ANO10: variants seen among roughly 807,000 people sequenced by gnomAD.
The protein encoded by ANO10 is anoctamin-10.
Under a neutral mutation model 74.7 loss-of-function variants are expected in ANO10, and 77 were observed. The observed-to-expected ratio is 1.03, with a 90% confidence interval of 0.86 to 1.25. ANO10 has a LOEUF of 1.25. Among genes scored for constraint, ANO10 ranks in the 50% most tolerant of loss-of-function variants. The pLI, the probability that ANO10 is intolerant of heterozygous loss-of-function variation, is 0.00. For missense variants in ANO10, 721 were observed against 778.1 expected, an observed-to-expected ratio of 0.93 and a Z score of 0.87; for synonymous variants, 279 against 284.9, an observed-to-expected ratio of 0.98 and a Z score of 0.21.
chr3:43,388,236 C>T (rs1028179015), intron 12 of ANO10, among the ~76,000 whole-genome samples: 12 of 152,240 alleles, frequency 7.9e-5, no homozygotes, highest in Middle Eastern at 3.4e-3. Flanking sequence ...GCAAGTGCTT[C>T]AGGAGAGAGC....
At chr3:43,680,329 G>C (rs1414525239) in intron 1 of ANO10, among the ~76,000 whole-genome samples, 1 of 152,162 alleles carries the variant, frequency 6.6e-6, no homozygotes, top group East Asian at 1.9e-4. Context: ...TGGAAGAAAG[G>C]GTATCAGTGA....
At chr3:43,662,075 C>T (rs1404511367) in intron 1 of ANO10, among the ~76,000 whole-genome samples, 1 of 152,204 alleles carries the variant, frequency 6.6e-6, no homozygotes, top group Non-Finnish European at 1.5e-5. Context: ...ATCTACAAAA[C>T]TCTCCATCCC....
intron 4 of ANO10, among the ~76,000 whole-genome samples, chr3:43,597,614 G>A (rs2082151912): frequency 6.6e-6 from 1 of 152,106 alleles, no homozygotes; most frequent in South Asian, 2.1e-4. Context: ...GCCTGTTGTA[G>A]GGTGGGGGCA....
chr3:43,560,183 G>A (rs1249024737), intron 9 of ANO10, among the ~76,000 whole-genome samples: 2 of 152,158 alleles, frequency 1.3e-5, no homozygotes, highest in Non-Finnish European at 1.5e-5. Context: ...GGTAACTACA[G>A]CTATGTCAAC....
intron 12 of ANO10, among the ~76,000 whole-genome samples, chr3:43,411,116 A>T (rs1051726412): frequency 6.6e-6 from 1 of 152,154 alleles, no homozygotes; most frequent in Non-Finnish European, 1.5e-5. Flanking sequence ...CTACAGCCTT[A>T]GGCATTATGT....
At chr3:43,576,568 G>A (rs1323228735) in intron 6 of ANO10, 124 bp downstream of exon 6, 1 of 973,910 alleles carries the variant, frequency 1.0e-6, no homozygotes, top group Non-Finnish European at 1.6e-6. Flanking sequence ...TTTTCCTTAT[G>A]TCTCTATAAT....
At position 43,644,044 on chromosome 3, in the gene ANO10, T is replaced by G. The variant is rs142595660; in HGVS notation, c.-11-38181A>C. ...TTTGACCTTGCTTCTTGTATTTTGT[T>G]TGTTTTAGGTAGTAAAGTTCACCAA... On this transcript the variant is annotated intron_variant, in intron 1 of 3. Transcript: ENST00000413397. Among the ~76,000 whole-genome samples the G allele has an allele frequency of 8.7e-4, 132 of 152,244 alleles. 1 individual carries two copies. The highest frequency in any genetic ancestry group is 3.0e-3 in the African/African-American group (124 of 41,538).
chr3:43,526,326 T>A (rs1039081953), intron 11 of ANO10, among the ~76,000 whole-genome samples: 2 of 152,220 alleles, frequency 1.3e-5, no homozygotes, highest in Non-Finnish European at 2.9e-5. Context: ...GATTTAGATA[T>A]GCAACATGTA....
intron 7 of ANO10, among the ~76,000 whole-genome samples, chr3:43,572,815 G>A (rs2080802653): frequency 6.6e-6 from 1 of 152,126 alleles, no homozygotes; most frequent in Non-Finnish European, 1.5e-5. Flanking sequence ...CTGCGGAGAT[G>A]GGGAGTCATT....
At chr3:43,668,979 T>C (rs542095918) in intron 1 of ANO10, among the ~76,000 whole-genome samples, 1 of 152,186 alleles carries the variant, frequency 6.6e-6, no homozygotes, top group Non-Finnish European at 1.5e-5. Flanking sequence ...TTATTTTAGT[T>C]GTTGCCCAAG....
chr3:43,439,481 T>TA (rs1282018372), intron 11 of ANO10, among the ~76,000 whole-genome samples: 2 of 150,972 alleles, frequency 1.3e-5, no homozygotes, highest in Non-Finnish European at 2.9e-5. Context: ...TATAGACAAA[T>TA]AAAAAATCCT....
chr3:43,394,953 T>C (rs1018353830), intron 12 of ANO10, among the ~76,000 whole-genome samples: 4 of 152,168 alleles, frequency 2.6e-5, no homozygotes, highest in African/African-American at 4.8e-5. Flanking sequence ...TTATGTGGCT[T>C]TTCGTAAAAA....
chr3:43,387,101 T>G (rs2092143857), intron 12 of ANO10, among the ~76,000 whole-genome samples: 2 of 152,202 alleles, frequency 1.3e-5, no homozygotes, highest in African/African-American at 2.4e-5. Flanking sequence ...TATATGGACC[T>G]AGGTGACACA....
Position 43,424,612 on chromosome 3 carries a change from A to G in ANO10, c.1914+7999T>C, listed in dbSNP as rs528667588. ...CCAGGAACTGACTCAGCTGAAGAAG[A>G]CAGCTTTGACTCACTGTGATTTCAC... On this transcript the variant is annotated intron_variant, in intron 12 of 12. Transcript: ENST00000292246. 1.8e-3 allele frequency: 274 copies of G among 152,328 alleles called. 1 individual carries two copies. The highest frequency in any genetic ancestry group is 6.3e-3 in the African/African-American group (260 of 41,574). 9.4% of individuals were successfully genotyped at this position (152,328 alleles called of 1,614,324 possible).
At chr3:43,683,794 A>G (rs1339590613) in intron 1 of ANO10, among the ~76,000 whole-genome samples, 7 of 152,088 alleles carry the variant, frequency 4.6e-5, no homozygotes, top group African/African-American at 1.4e-4. Flanking sequence ...CAACCATCTG[A>G]TCTTTGACAA....
chr3:43,445,911 G>C (rs1018550567), intron 11 of ANO10, among the ~76,000 whole-genome samples: 2 of 152,074 alleles, frequency 1.3e-5, no homozygotes, highest in African/African-American at 4.8e-5. Flanking sequence ...TGTTGCCCAG[G>C]CTGGTCTTGA....
At chr3:43,587,375 G>A (rs2081526770) in intron 4 of ANO10, among the ~76,000 whole-genome samples, 1 of 152,144 alleles carries the variant, frequency 6.6e-6, no homozygotes, top group African/African-American at 2.4e-5. Flanking sequence ...AGTCCCAGCA[G>A]GAGCTGCACA....
At chr3:43,681,797 G>A (rs1329874174) in intron 1 of ANO10, among the ~76,000 whole-genome samples, 213 of 152,178 alleles carry the variant, frequency 1.4e-3, no homozygotes, top group African/African-American at 4.9e-3. Context: ...GCTCAACTAC[G>A]TGGAAACTGA....
chr3:43,515,116 C>A lies in ANO10; in HGVS notation c.1797+34604G>T, dbSNP rs1212990066. 4.6e-5 allele frequency among the ~76,000 whole-genome samples: 7 copies of A among 152,270 alleles called. No homozygotes were observed. The East Asian group carries it at 1.4e-3, about 29-fold the overall frequency. Reference sequence around the variant, plus strand: ...AAAATCAATAAAGTCCAAAGTTTCACTGATTTTTCAGAAGATCTATAAATG... The same window carrying A: ...AAAATCAATAAAGTCCAAAGTTTCAATGATTTTTCAGAAGATCTATAAATG... On this transcript the variant is annotated intron_variant, in intron 11 of 12. Transcript: ENST00000292246.
Sources: gnomAD v4.1 joint callset for allele counts (sites outside exome capture counted in the v4.1 genomes callset) on GRCh38, gnomAD v4.1.1 for gene constraint, MANE v1.5 for transcripts, NCBI Gene and HGNC (gene_info 2026-07-23, HGNC 2026-07-21) for gene names.